The following DNMBP variants were observed in gnomAD, a reference collection of about 807,000 sequenced individuals.
The protein encoded by DNMBP is dynamin binding protein.
In DNMBP, 87 loss-of-function variants were observed where a neutral mutation model predicts 150.0. The observed-to-expected ratio is 0.58, with a 90% CI of 0.49 to 0.69. The LOEUF is 0.69. Ranked by LOEUF, DNMBP falls within the 30% of genes least tolerant of loss-of-function variation. The pLI is 0.00. For synonymous variants in DNMBP, 711 were observed against 750.4 expected (o/e 0.95, Z 0.86); for missense variants, 1,774 against 1,949.0 (o/e 0.91, Z 1.69).
chr10:99,888,999 C>A, intron 11 of DNMBP, 46 bp from the exon 12 acceptor site: 1 of 1,605,418 alleles, frequency 6.2e-7, no homozygotes, highest in Non-Finnish European at 8.5e-7. Context: ...ACAGAACTTT[C>A]CAGCTTTTGT....
intron 4 of DNMBP, among the ~76,000 whole-genome samples, chr10:99,929,422 T>G (rs2040120415): frequency 6.6e-6 from 1 of 152,310 alleles, no homozygotes; most frequent in Admixed American, 6.5e-5. Flanking sequence ...ACTGTATATA[T>G]ACTCTTGCTC....
At chr10:99,983,865 C>G (rs529094001) in intron 1 of DNMBP, among the ~76,000 whole-genome samples, 1 of 152,352 alleles carries the variant, frequency 6.6e-6, no homozygotes, top group East Asian at 1.9e-4. Flanking sequence ...AAGGCAACAA[C>G]TCCAGATGGA....
Position 99,899,735 on chromosome 10 carries a change from A to G in DNMBP, c.2702+184T>C, listed in dbSNP as rs2039711539. ...TTTTTAACCTGATAACGCTAACCTA[A>G]TACTCTATACAGATAAAACTTATTC... On this transcript the variant is annotated intron_variant, in intron 7 of 16. Transcript: ENST00000324109. The G allele has an allele frequency of 1.6e-5, 11 of 709,668 alleles. No homozygotes were observed. In the Admixed American group the frequency reaches 2.6e-4, roughly 17 times the overall value. The allele number at this position is 709,668 out of a possible 1,614,324, so 44.0% of individuals were successfully genotyped here.
At chr10:99,973,080 C>CATTTATTTATTTATTT (rs35399198) in intron 1 of DNMBP, among the ~76,000 whole-genome samples, 59 of 149,698 alleles carry the variant, frequency 3.9e-4, no homozygotes, top group African/African-American at 9.8e-4. Flanking sequence ...CTGCCTGCGG[C>CATTTATTTATTTATTT]ATTTATTTAT....
chr10:99,880,909 C>T (rs1269725530), intron 15 of DNMBP, among the ~76,000 whole-genome samples: 1 of 152,088 alleles, frequency 6.6e-6, no homozygotes, highest in African/African-American at 2.4e-5. Context: ...GTCAACACAG[C>T]GAGACTTCAT....
At chr10:99,929,684 C>A (rs537935168) in intron 4 of DNMBP, 1 of 702,982 alleles carries the variant, frequency 1.4e-6, no homozygotes, top group South Asian at 1.5e-5. Flanking sequence ...GGCAACTATT[C>A]CTTCTCCAAG....
At chr10:99,907,153 C>G (rs2039836383) in intron 6 of DNMBP, among the ~76,000 whole-genome samples, 1 of 151,534 alleles carries the variant, frequency 6.6e-6, no homozygotes, top group African/African-American at 2.4e-5. Context: ...AAAACTCCAT[C>G]TCTACAAAAA....
chr10:99,951,788 C>T (rs1373834061), intron 4 of DNMBP, among the ~76,000 whole-genome samples: 1 of 152,224 alleles, frequency 6.6e-6, no homozygotes, highest in African/African-American at 2.4e-5. Context: ...GCAGAAGGGA[C>T]TTGCCTTGTC....
At chr10:100,004,001 G>A (rs2041042203) in intron 1 of DNMBP, among the ~76,000 whole-genome samples, 1 of 151,688 alleles carries the variant, frequency 6.6e-6, no homozygotes, top group African/African-American at 2.4e-5. Flanking sequence ...GGAGGCCAAG[G>A]CAGGAAGATT....
chr10:99,981,147 A>C (rs1255898288), intron 1 of DNMBP, among the ~76,000 whole-genome samples: 2 of 152,146 alleles, frequency 1.3e-5, no homozygotes, highest in African/African-American at 2.4e-5. Flanking sequence ...ATGTCATAAA[A>C]CGTGAATGTG....
intron 6 of DNMBP, among the ~76,000 whole-genome samples, chr10:99,906,255 A>T (rs2039824092): frequency 6.6e-6 from 1 of 152,106 alleles, no homozygotes; most frequent in Non-Finnish European, 1.5e-5. Context: ...AGCTGCATGC[A>T]TGTCACCCAC....
intron 4 of DNMBP, among the ~76,000 whole-genome samples, chr10:99,911,714 A>ATTTGGT (rs1236285325): frequency 6.6e-6 from 1 of 152,228 alleles, no homozygotes; most frequent in African/African-American, 2.4e-5. Context: ...TATTATTCAA[A>ATTTGGT]ATAAAACTTA....
chr10:99,945,090 G>A (rs77076902), intron 4 of DNMBP, among the ~76,000 whole-genome samples: 3 of 152,238 alleles, frequency 2.0e-5, no homozygotes, highest in African/African-American at 7.2e-5. Context: ...TTGGACCTGG[G>A]CTGAGAATGA....
intron 1 of DNMBP, among the ~76,000 whole-genome samples, chr10:99,980,106 G>A (rs2040766347): frequency 6.6e-6 from 1 of 152,118 alleles, no homozygotes; most frequent in Non-Finnish European, 1.5e-5. Context: ...AAAGTTAAAA[G>A]CCATGAGAGT....
chr10:99,888,771 G>A (rs1174365618), intron 12 of DNMBP, 54 bp downstream of exon 12: 1 of 1,607,682 alleles, frequency 6.2e-7, no homozygotes, highest in East Asian at 2.2e-5. Flanking sequence ...ATGAGCTGAT[G>A]TATTTGAGAT....
At chr10:99,982,821 G>T (rs895972049) in intron 1 of DNMBP, among the ~76,000 whole-genome samples, 1 of 152,090 alleles carries the variant, frequency 6.6e-6, no homozygotes, top group Non-Finnish European at 1.5e-5. Flanking sequence ...ACGTGGTGGT[G>T]AACACCTGTG....
At chr10:99,996,081 A>C (rs2040948306) in intron 1 of DNMBP, among the ~76,000 whole-genome samples, 1 of 152,250 alleles carries the variant, frequency 6.6e-6, no homozygotes, top group South Asian at 2.1e-4. Flanking sequence ...CAATCAGTAA[A>C]CTAGCAAATC....
intron 11 of DNMBP, chr10:99,889,337 C>A (rs892460279): frequency 1.2e-5 from 2 of 160,338 alleles, no homozygotes; most frequent in African/African-American, 4.8e-5. Flanking sequence ...GTCGCCATCT[C>A]AAAGACAACT....
chr10:100,007,420 T>C (rs895683378), intron 1 of DNMBP, among the ~76,000 whole-genome samples: 1 of 151,884 alleles, frequency 6.6e-6, no homozygotes, highest in East Asian at 1.9e-4. Context: ...CACAAGCACA[T>C]ACAGGTGTTC....
Sources: allele counts gnomAD v4.1 joint callset (sites outside exome capture counted in the v4.1 genomes callset), GRCh38; gene constraint gnomAD v4.1.1; transcripts MANE v1.5; gene names NCBI Gene and HGNC (gene_info 2026-07-23, HGNC 2026-07-21).